Variants in LRP6 observed in about 807,000 individuals in gnomAD.
LRP6 encodes low-density lipoprotein receptor-related protein 6.
Under a neutral mutation model 184.1 loss-of-function variants are expected in LRP6, and 43 were observed. The observed-to-expected ratio is 0.23, with a 90% CI of 0.18 to 0.30. The LOEUF (loss-of-function observed/expected upper bound fraction) is 0.30. Ranked by LOEUF, LRP6 falls within the 10% of genes least tolerant of loss-of-function variation. The pLI is 1.00. For synonymous variants in LRP6, 719 were observed against 684.9 expected (o/e 1.05, Z -0.78); for missense variants, 1,571 against 2,005.3 (o/e 0.78, Z 4.14).
At chr12:12,179,407 TATAG>T (rs71913566) in intron 7 of LRP6, among the ~76,000 whole-genome samples, 13,821 of 144,444 alleles carry the variant, frequency 0.096, 780 homozygotes, top group Admixed American at 0.13. Flanking sequence ...TAGATATAGA[TATAG>T]ATATAGATAT....
intron 2 of LRP6, among the ~76,000 whole-genome samples, chr12:12,242,994 G>T (rs1361101210): frequency 6.6e-6 from 1 of 152,164 alleles, no homozygotes; most frequent in Non-Finnish European, 1.5e-5. Flanking sequence ...TTCTATAAGT[G>T]AAATGAGTTT....
chr12:12,204,364 T>G (rs569448465), intron 2 of LRP6, among the ~76,000 whole-genome samples: 1 of 149,846 alleles, frequency 6.7e-6, no homozygotes, highest in Non-Finnish European at 1.5e-5. Context: ...CTACATCAAG[T>G]GTATGATCTT....
Position 12,158,935 on chromosome 12 carries a change from G to A in LRP6, c.2685C>T (p.Ser895=). The A allele has an allele frequency of 6.2e-7, 1 of 1,614,190 alleles. No homozygotes were observed. The highest frequency in any genetic ancestry group is 8.5e-7 in the Non-Finnish European group (1 of 1,180,032). The part of the protein sequence containing the change: ...SRQSGWNECA[S]SNGHCSHLCL... ...AGAGGTGGGAGCAGTGCCCATTGCTGGAAGCACATTCATTCCACCCTGACT... is the reference window on the plus strand; with the variant it reads ...AGAGGTGGGAGCAGTGCCCATTGCTAGAAGCACATTCATTCCACCCTGACT... Residue 895 remains serine (S), a synonymous_variant, in exon 12 of 23, where the codon TCC becomes TCT. Coordinates refer to ENST00000261349, the MANE Select transcript of LRP6 (RefSeq NM_002336.3).
rs755009755 is a variant in LRP6 at position 12,266,728 on chromosome 12, G to A, written c.8C>T (p.Ala3Val). The A allele has an allele frequency of 3.7e-6, 6 of 1,613,340 alleles. No homozygotes were observed. In the Admixed American group the frequency reaches 1.0e-4, roughly 27 times the overall value. The change falls in exon 1 of 23, where the codon GCC (alanine) becomes GTC (valine). Residue 3 changes from alanine (A) to valine (V), a missense_variant. By Grantham distance (64) the Ala-to-Val change is moderately conservative. Transcript: ENST00000261349. MG[A>V]VLRSLLACSF... ...GCAGGCCAGGAGGCTCCTCAGGACG[G>A]CCCCCATCTTCCCTTCTCGCGTTCT...
intron 12 of LRP6, among the ~76,000 whole-genome samples, chr12:12,152,190 C>T (rs1950090962): frequency 6.6e-6 from 1 of 152,112 alleles, no homozygotes; most frequent in South Asian, 2.1e-4. Flanking sequence ...GCTTCTTTCT[C>T]ATTTGTCTCT....
chr12:12,171,454 G>T (rs749090803), intron 7 of LRP6, among the ~76,000 whole-genome samples: 3 of 151,992 alleles, frequency 2.0e-5, no homozygotes, highest in Non-Finnish European at 4.4e-5. Flanking sequence ...CCCGGGAGGT[G>T]GAGCTTGCAG....
At chr12:12,164,955 A>AAAAAT in intron 8 of LRP6, 124 bp downstream of exon 8, 3 of 528,566 alleles carry the variant, frequency 5.7e-6, no homozygotes, top group East Asian at 3.8e-5. Context: ...AAAAAAAAAA[A>AAAAAT]GGCGGGGGGG....
chr12:12,241,105 G>A (rs563952229), intron 2 of LRP6, among the ~76,000 whole-genome samples: 30 of 152,306 alleles, frequency 2.0e-4, no homozygotes, highest in African/African-American at 6.5e-4. Flanking sequence ...AAAGCACACA[G>A]ATGTCTGCAC....
intron 7 of LRP6, among the ~76,000 whole-genome samples, chr12:12,174,063 G>C (rs1193855237): frequency 6.6e-6 from 1 of 151,918 alleles, no homozygotes; most frequent in Non-Finnish European, 1.5e-5. Context: ...CAAATATTTA[G>C]GTATTTAAAT....
intron 1 of LRP6, among the ~76,000 whole-genome samples, chr12:12,262,207 C>T (rs760631862): frequency 6.6e-5 from 10 of 152,060 alleles, no homozygotes; most frequent in Non-Finnish European, 1.3e-4. Context: ...GGTGAAAGCC[C>T]GTCTCTACTA....
At chr12:12,129,183 GCAAT>G (rs1949713297) in intron 19 of LRP6, among the ~76,000 whole-genome samples, 1 of 152,158 alleles carries the variant, frequency 6.6e-6, no homozygotes, top group African/African-American at 2.4e-5. Flanking sequence ...AAGTTTGAAA[GCAAT>G]CAATCTAACA....
At chr12:12,178,539 T>C (rs935780748) in intron 7 of LRP6, among the ~76,000 whole-genome samples, 3 of 152,180 alleles carry the variant, frequency 2.0e-5, no homozygotes, top group African/African-American at 7.2e-5. Flanking sequence ...TAGTTCATAA[T>C]CCACAGGTGT....
intron 20 of LRP6, among the ~76,000 whole-genome samples, chr12:12,125,763 G>A (rs1466331897): frequency 2.0e-5 from 3 of 152,130 alleles, no homozygotes; most frequent in Non-Finnish European, 4.4e-5. Context: ...TAGAGGTTGT[G>A]AGGCAGGGCA....
At chr12:12,141,901 CT>C (rs1271183174) in intron 15 of LRP6, among the ~76,000 whole-genome samples, 1 of 152,186 alleles carries the variant, frequency 6.6e-6, no homozygotes, top group East Asian at 1.9e-4. Flanking sequence ...TCCTTTCTAT[CT>C]GCAAACTTGT....
intron 12 of LRP6, among the ~76,000 whole-genome samples, chr12:12,157,916 TTTG>T (rs1862638236): frequency 6.6e-6 from 1 of 152,152 alleles, no homozygotes; most frequent in Admixed American, 6.5e-5. Context: ...TGTTACACAC[TTTG>T]TTGTTAGTGT....
At chr12:12,227,871 T>C (rs1258673334) in intron 2 of LRP6, among the ~76,000 whole-genome samples, 1 of 152,178 alleles carries the variant, frequency 6.6e-6, no homozygotes, top group African/African-American at 2.4e-5. Context: ...CCAATTCTGT[T>C]GTAAGTCCAA....
rs553569825 is a variant in LRP6 at position 12,202,607 on chromosome 12, T to C, written c.647+596A>G. ...CAGTCATGCCTATTCCCTTATGCAT[T>C]ACTATAGCTGCTTTTAAACTACAGT... On this transcript the variant is annotated intron_variant, in intron 3 of 22. Coordinates refer to ENST00000261349, the MANE Select transcript of LRP6 (RefSeq NM_002336.3). Among the ~76,000 whole-genome samples the C allele has an allele frequency of 7.4e-4, 112 of 152,348 alleles. 1 individual carries two copies. Among genetic ancestry groups the C allele is most frequent in the African/African-American group, 2.7e-3 (111 of 41,572 alleles).
intron 5 of LRP6, among the ~76,000 whole-genome samples, chr12:12,182,259 GTACTCAAGAAA>G (rs1373487517): frequency 6.6e-6 from 1 of 152,108 alleles, no homozygotes; most frequent in Non-Finnish European, 1.5e-5. Flanking sequence ...GAACATTTAA[GTACTCAAGAAA>G]TATTAACTAA....
intron 2 of LRP6, among the ~76,000 whole-genome samples, chr12:12,231,100 G>C (rs1247765433): frequency 2.2e-5 from 3 of 136,604 alleles, no homozygotes; most frequent in Non-Finnish European, 3.1e-5. Flanking sequence ...AGAATGGCTT[G>C]AACCTGGGTG....
Sources: allele counts gnomAD v4.1 joint callset (sites outside exome capture counted in the v4.1 genomes callset), GRCh38; gene constraint gnomAD v4.1.1; transcripts MANE v1.5; gene names NCBI Gene and HGNC (gene_info 2026-07-23, HGNC 2026-07-21).